Variants in SEMA5A observed in about 807,000 individuals in gnomAD.
The protein encoded by SEMA5A is semaphorin 5A.
A neutral mutation model predicts 135.5 loss-of-function variants in SEMA5A; 55 were observed. That is an observed-to-expected ratio of 0.41 (90% CI 0.33 to 0.51). The LOEUF (loss-of-function observed/expected upper bound fraction) is 0.51, where lower values mean the gene tolerates loss of function less well. SEMA5A is among the 20% of genes least tolerant of loss of function. SEMA5A has a pLI of 0.37. For missense variants in SEMA5A, 1,290 were observed against 1,419.9 expected, an observed-to-expected ratio of 0.91 and a Z score of 1.47; for synonymous variants, 580 against 546.5, an observed-to-expected ratio of 1.06 and a Z score of -0.85.
intron 16 of SEMA5A, among the ~76,000 whole-genome samples, chr5:9,100,805 T>C (rs1188925146): frequency 6.6e-6 from 1 of 151,992 alleles, no homozygotes; most frequent in East Asian, 1.9e-4. Flanking sequence ...ACACACTGAG[T>C]TTTTATGCAC....
intron 1 of SEMA5A, among the ~76,000 whole-genome samples, chr5:9,438,546 T>C (rs1758116358): frequency 6.6e-6 from 1 of 152,212 alleles, no homozygotes; most frequent in African/African-American, 2.4e-5. Flanking sequence ...TGCCAGAGGC[T>C]GAAAATATAG....
chr5:9,357,601 G>A (rs1754509675), intron 3 of SEMA5A, among the ~76,000 whole-genome samples: 1 of 152,180 alleles, frequency 6.6e-6, no homozygotes, highest in Non-Finnish European at 1.5e-5. Context: ...CAAACTCTGG[G>A]AATAGACATA....
intron 16 of SEMA5A, among the ~76,000 whole-genome samples, chr5:9,088,435 T>C (rs915262124): frequency 7.3e-5 from 11 of 151,072 alleles, no homozygotes; most frequent in African/African-American, 1.9e-4. Flanking sequence ...TTTTCTCTTA[T>C]ACTGTGACAG....
chr5:9,203,821 A>T (rs906492403), intron 8 of SEMA5A, among the ~76,000 whole-genome samples: 37 of 151,834 alleles, frequency 2.4e-4, no homozygotes, highest in Admixed American at 4.6e-4. Flanking sequence ...ATGACTGTTT[A>T]AAAAAAAACT....
intron 10 of SEMA5A, among the ~76,000 whole-genome samples, chr5:9,194,784 T>C (rs2150355193): frequency 6.6e-6 from 1 of 152,316 alleles, no homozygotes; most frequent in South Asian, 2.1e-4. Flanking sequence ...TCATTCATTA[T>C]GCTACATGGA....
At chr5:9,430,104 G>C (rs268479) in intron 2 of SEMA5A, among the ~76,000 whole-genome samples, 37,981 of 152,018 alleles carry the variant, frequency 0.25, 5,935 homozygotes, top group African/African-American at 0.43. Flanking sequence ...ACAAAAAAAC[G>C]AACAACAATA....
chr5:9,389,626 T>G (rs757701642), intron 2 of SEMA5A, among the ~76,000 whole-genome samples: 10 of 152,128 alleles, frequency 6.6e-5, no homozygotes, highest in Non-Finnish European at 1.3e-4. Flanking sequence ...TTACCCACAT[T>G]TAGAACCCAT....
chr5:9,342,086 A>G (rs1414095577), intron 3 of SEMA5A, among the ~76,000 whole-genome samples: 1 of 78,850 alleles, frequency 1.3e-5, no homozygotes, highest in African/African-American at 3.6e-5. Context: ...CTTCCAAAAA[A>G]GAAAGAAAAA....
chr5:9,166,725 T>G (rs1226819192), intron 11 of SEMA5A, among the ~76,000 whole-genome samples: 1 of 152,212 alleles, frequency 6.6e-6, no homozygotes, highest in Non-Finnish European at 1.5e-5. Flanking sequence ...CTGCATTTCC[T>G]GTGAATAAAA....
intron 2 of SEMA5A, among the ~76,000 whole-genome samples, chr5:9,431,546 C>T (rs1757856643): frequency 6.6e-6 from 1 of 152,134 alleles, no homozygotes; most frequent in Admixed American, 6.5e-5. Flanking sequence ...CCCCCACTAG[C>T]TTTCCTAGAT....
chr5:9,500,759 T>C (rs1395007403), intron 1 of SEMA5A, among the ~76,000 whole-genome samples: 2 of 152,218 alleles, frequency 1.3e-5, no homozygotes, highest in African/African-American at 2.4e-5. Context: ...GAGTTTCAGG[T>C]TGTGGTCTGT....
intron 5 of SEMA5A, among the ~76,000 whole-genome samples, chr5:9,262,416 A>G (rs1440944562): frequency 7.6e-5 from 3 of 39,440 alleles, no homozygotes; most frequent in Non-Finnish European, 1.3e-4. Context: ...AAAGGACTAT[A>G]AATCATGCTG....
intron 2 of SEMA5A, among the ~76,000 whole-genome samples, chr5:9,392,556 C>T (rs1002595647): frequency 6.6e-6 from 1 of 152,062 alleles, no homozygotes; most frequent in Non-Finnish European, 1.5e-5. Context: ...GGCCTTTGTC[C>T]TCAGTCATTT....
intron 11 of SEMA5A, among the ~76,000 whole-genome samples, chr5:9,156,820 A>C (rs1415199659): frequency 2.0e-5 from 3 of 152,236 alleles, no homozygotes; most frequent in African/African-American, 7.2e-5. Flanking sequence ...GATTCTGAGA[A>C]ACCTGCCCAA....
chr5:9,276,515 A>T (rs1750270465), intron 5 of SEMA5A, among the ~76,000 whole-genome samples: 1 of 152,220 alleles, frequency 6.6e-6, no homozygotes, highest in African/African-American at 2.4e-5. Context: ...AATCCTAAGC[A>T]AAAAGAACAA....
chr5:9,166,077 T>C (rs534264859), intron 11 of SEMA5A, among the ~76,000 whole-genome samples: 1 of 152,328 alleles, frequency 6.6e-6, no homozygotes, highest in East Asian at 1.9e-4. Flanking sequence ...GGATAGTCAG[T>C]CGGTTTAAAC....
At chr5:9,432,082 G>A (rs991366995) in intron 2 of SEMA5A, among the ~76,000 whole-genome samples, 5 of 152,212 alleles carry the variant, frequency 3.3e-5, no homozygotes, top group African/African-American at 1.2e-4. Context: ...GAATTCCAAT[G>A]CATTCTGATG....
intron 18 of SEMA5A, among the ~76,000 whole-genome samples, chr5:9,059,543 C>T (rs1374342724): frequency 2.6e-5 from 4 of 152,024 alleles, no homozygotes; most frequent in African/African-American, 4.8e-5. Flanking sequence ...TTTTTATATT[C>T]TCTGGTTTAT....
At chr5:9,315,341 A>G (rs1752343024) in intron 5 of SEMA5A, among the ~76,000 whole-genome samples, 1 of 152,166 alleles carries the variant, frequency 6.6e-6, no homozygotes, top group Non-Finnish European at 1.5e-5. Context: ...TATATCTTTT[A>G]GCATGCTTTT....
Sources: gnomAD v4.1 joint callset for allele counts (sites outside exome capture counted in the v4.1 genomes callset) on GRCh38, gnomAD v4.1.1 for gene constraint, MANE v1.5 for transcripts, NCBI Gene and HGNC (gene_info 2026-07-23, HGNC 2026-07-21) for gene names.